MFF: variants seen among roughly 807,000 people sequenced by gnomAD.
MFF encodes chromosome 2 open reading frame 33.
MFF carries 12 observed loss-of-function variants against 36.9 expected under a neutral mutation model. That is an observed-to-expected ratio of 0.33 (90% CI 0.21 to 0.53). The LOEUF is 0.53. MFF is among the 20% of genes least tolerant of loss of function. The pLI, the probability that MFF is intolerant of heterozygous loss-of-function variation, is 0.95. For missense variants in MFF, 348 were observed against 366.6 expected, an observed-to-expected ratio of 0.95 and a Z score of 0.42; for synonymous variants, 99 against 126.2, an observed-to-expected ratio of 0.78 and a Z score of 1.44.
At chr2:227,351,019 T>C (rs1229520727) in intron 6 of MFF, among the ~76,000 whole-genome samples, 4 of 152,194 alleles carry the variant, frequency 2.6e-5, no homozygotes, top group African/African-American at 9.6e-5. Flanking sequence ...ATCTCTGTGG[T>C]GGAATAGGTT....
intron 8 of MFF, among the ~76,000 whole-genome samples, chr2:227,356,779 G>A (rs2076278732): frequency 6.6e-6 from 1 of 152,180 alleles, no homozygotes; most frequent in South Asian, 2.1e-4. Context: ...AAGGGAAAGG[G>A]AAAGGATGTT....
chr2:227,337,880 C>T (rs1415555968), intron 4 of MFF, among the ~76,000 whole-genome samples: 1 of 151,892 alleles, frequency 6.6e-6, no homozygotes, highest in African/African-American at 2.4e-5. Flanking sequence ...AACCCCATCT[C>T]TACCAAAAAA....
At chr2:227,334,777 A>G (rs918588858) in intron 4 of MFF, among the ~76,000 whole-genome samples, 2 of 152,212 alleles carry the variant, frequency 1.3e-5, no homozygotes, top group African/African-American at 4.8e-5. Flanking sequence ...AATGTCTGTA[A>G]TAGCAAAAAG....
chr2:227,325,827 G>A (rs1016526467), intron 1 of MFF, among the ~76,000 whole-genome samples: 4 of 152,204 alleles, frequency 2.6e-5, no homozygotes, highest in African/African-American at 9.6e-5. Flanking sequence ...CCAAGGCCCT[G>A]ACACCTTACA....
chr2:227,326,692 A>G (rs1396051008), intron 1 of MFF, among the ~76,000 whole-genome samples: 2 of 152,236 alleles, frequency 1.3e-5, no homozygotes, highest in Non-Finnish European at 1.5e-5. Context: ...CTTTTTAAAT[A>G]TAGTTTCTTT....
chr2:227,335,342 G>A (rs1332917643), intron 4 of MFF, among the ~76,000 whole-genome samples: 1 of 152,120 alleles, frequency 6.6e-6, no homozygotes, highest in Non-Finnish European at 1.5e-5. Flanking sequence ...TGGTTGTCAG[G>A]GGGTTAGAGG....
intron 3 of MFF, 108 bp downstream of exon 3, chr2:227,330,954 G>T: frequency 1.2e-6 from 1 of 848,606 alleles, no homozygotes; most frequent in Non-Finnish European, 1.8e-6. Flanking sequence ...GTTGGAAAAT[G>T]CAACTTTATA....
In MFF at chr2:227,355,704, C is replaced by T. The variant is rs757421110; in HGVS notation, c.687C>T (p.Thr229=). ...VRYGISNIDT[T]IEGTSDDLTV... ...ATGGCATTTCAAATATAGATACAAC[C>T]ATTGAAGGAACGTCAGATGACCTGA... The change falls in exon 8 of 9, where the codon ACC becomes ACT. Residue 229 remains threonine, a synonymous_variant. Transcript: ENST00000304593. 10 of 1,610,730 alleles carry T rather than the reference C, an allele frequency of 6.2e-6. No individual in the cohort carries two copies. Among genetic ancestry groups the T allele is most frequent in the East Asian group, 2.2e-5 (1 of 44,810 alleles).
rs186445428 is a variant in MFF, at chr2:227,352,591, G to C, written c.659+18G>C. On this transcript the variant is annotated intron_variant, in intron 7 of 8. Transcript: ENST00000304593. ...AACGTCAGGTAAATTTTGAGACTTC[G>C]TAATTACCAGGGTAAATGCTTGGCG... The C allele has an allele frequency of 6.9e-7, 1 of 1,442,224 alleles. No homozygotes were observed. Among genetic ancestry groups the C allele is most frequent in the Admixed American group, 1.8e-5 (1 of 55,408 alleles). The allele number at this position is 1,442,224 out of a possible 1,614,324, so 89.3% of individuals were successfully genotyped here. A position where few individuals can be genotyped will look rare whatever the true frequency, so the allele number is the denominator to read the frequency against.
chr2:227,332,002 C>T (rs1293146867), intron 3 of MFF, among the ~76,000 whole-genome samples: 3 of 106,216 alleles, frequency 2.8e-5, no homozygotes, highest in East Asian at 5.8e-4. Flanking sequence ...GACGGAGTCT[C>T]GCTCTGTCGC....
chr2:227,354,034 A>G (rs1049700443), intron 7 of MFF, among the ~76,000 whole-genome samples: 3 of 152,156 alleles, frequency 2.0e-5, no homozygotes, highest in Admixed American at 6.5e-5. Context: ...TTAGAAGTTT[A>G]CTTCTCTAAC....
intron 6 of MFF, among the ~76,000 whole-genome samples, chr2:227,348,868 T>G (rs2075844617): frequency 6.6e-6 from 1 of 152,142 alleles, no homozygotes; most frequent in South Asian, 2.1e-4. Flanking sequence ...CAATTCTTTA[T>G]TTAGTATGGT....
At chr2:227,329,385 T>G (rs2074403940) in intron 2 of MFF, 2 of 237,150 alleles carry the variant, frequency 8.4e-6, no homozygotes, top group Admixed American at 6.2e-5. Flanking sequence ...TGTATCCTGT[T>G]TGCAAAATCA....
At chr2:227,354,332 T>C (rs2076154291) in intron 7 of MFF, among the ~76,000 whole-genome samples, 2 of 152,206 alleles carry the variant, frequency 1.3e-5, no homozygotes, top group Non-Finnish European at 1.5e-5. Flanking sequence ...TTTTTGTGGG[T>C]ATGTACTTTT....
intron 4 of MFF, among the ~76,000 whole-genome samples, chr2:227,335,824 T>C (rs1574918621): frequency 6.6e-6 from 1 of 152,206 alleles, no homozygotes; most frequent in African/African-American, 2.4e-5. Context: ...AGAGAGGAAG[T>C]TGACAAACAC....
intron 5 of MFF, 133 bp downstream of exon 5, chr2:227,340,513 A>T: frequency 1.5e-6 from 1 of 676,658 alleles, no homozygotes; most frequent in Non-Finnish European, 2.4e-6. Flanking sequence ...TTTTTGTAAT[A>T]CTTTTTGTAA....
chr2:227,355,910 A>G (rs2076232773), intron 8 of MFF, 149 bp downstream of exon 8: 5 of 554,804 alleles, frequency 9.0e-6, no homozygotes, highest in East Asian at 9.0e-5. Context: ...TTAAAGATAT[A>G]TTAAACTACC....
In MFF at chr2:227,357,577, C is replaced by G. The variant is rs8222; in HGVS notation, c.*460C>G. ...ATCGACACTTCAACATTAACACTTT[C>G]AAAGTCATGGTCTGGTGCCAGATTT... is the stretch of plus-strand genomic sequence containing the variant. On this transcript the variant is annotated 3_prime_UTR_variant, in exon 9 of 9. Transcript: ENST00000304593. 0.31 allele frequency: 48,081 copies of G among 154,208 alleles called. 6,993 individuals carry two copies. Among genetic ancestry groups the G allele is most frequent in the East Asian group, 0.42 (2,194 of 5,214 alleles). 9.6% of individuals were successfully genotyped at this position (154,208 alleles called of 1,614,324 possible).
rs1574923061 is a variant in MFF, at chr2:227,336,723, A to G, written c.352-3569A>G. Among the ~76,000 whole-genome samples the G allele has an allele frequency of 2.0e-5, 3 of 152,232 alleles. No homozygotes were observed. In the South Asian group the frequency reaches 6.2e-4, roughly 31 times the overall value. On this transcript the variant is annotated intron_variant, in intron 4 of 8. Transcript: ENST00000304593. ...CCCTTAACACAGATTATACTTAGAA[A>G]GCAGCAGCCTTAGAATCTGAAGGAT...
Sources: gnomAD v4.1 joint callset for allele counts (sites outside exome capture counted in the v4.1 genomes callset) on GRCh38, gnomAD v4.1.1 for gene constraint, MANE v1.5 for transcripts, NCBI Gene and HGNC (gene_info 2026-07-23, HGNC 2026-07-21) for gene names.